ADGRB3: variants seen among roughly 807,000 people sequenced by gnomAD.
ADGRB3 encodes the protein brain-specific angiogenesis inhibitor 3.
Under a neutral mutation model 193.4 loss-of-function variants are expected in ADGRB3, and 37 were observed. That is an observed-to-expected ratio of 0.19 (90% CI 0.15 to 0.25). ADGRB3 has a LOEUF of 0.25. Among genes scored for constraint, ADGRB3 ranks in the 10% least tolerant of loss-of-function variants. The pLI is 1.00. For synonymous variants in ADGRB3, 690 were observed against 644.2 expected, an observed-to-expected ratio of 1.07 and a Z score of -1.08; for missense variants, 1,637 against 1,852.9, an observed-to-expected ratio of 0.88 and a Z score of 2.14.
At chr6:68,817,990 G>T (rs886475685) in intron 3 of ADGRB3, among the ~76,000 whole-genome samples, 3 of 151,902 alleles carry the variant, frequency 2.0e-5, no homozygotes, top group African/African-American at 7.2e-5. Context: ...TGTAAGTTGT[G>T]GTGAAATGGG....
At chr6:69,129,416 G>A (rs1171530970) in intron 17 of ADGRB3, among the ~76,000 whole-genome samples, 1 of 151,996 alleles carries the variant, frequency 6.6e-6, no homozygotes, top group Admixed American at 6.6e-5. Context: ...GAATTAAGAT[G>A]AAGAACAAAA....
chr6:69,224,928 T>G (rs1765977733), intron 17 of ADGRB3, among the ~76,000 whole-genome samples: 1 of 152,140 alleles, frequency 6.6e-6, no homozygotes, highest in African/African-American at 2.4e-5. Flanking sequence ...GAAGATACTT[T>G]CTGTCTTTCC....
At chr6:69,133,969 G>C (rs1380244924) in intron 17 of ADGRB3, among the ~76,000 whole-genome samples, 1 of 151,972 alleles carries the variant, frequency 6.6e-6, no homozygotes, top group Non-Finnish European at 1.5e-5. Context: ...ACTTCATTTA[G>C]AATTATGTTC....
intron 4 of ADGRB3, among the ~76,000 whole-genome samples, chr6:68,936,105 G>A (rs770730856): frequency 5.9e-5 from 9 of 152,136 alleles, no homozygotes; most frequent in Non-Finnish European, 1.3e-4. Flanking sequence ...AAAGGACTAA[G>A]GAGGAACACA....
chr6:68,735,988 A>G (rs986387085), intron 3 of ADGRB3, among the ~76,000 whole-genome samples: 1 of 152,158 alleles, frequency 6.6e-6, no homozygotes. Context: ...TAGCTTACCA[A>G]TCTTTCAGGA....
intron 17 of ADGRB3, among the ~76,000 whole-genome samples, chr6:69,208,264 C>A (rs750199267): frequency 1.8e-4 from 27 of 152,250 alleles, no homozygotes; most frequent in South Asian, 1.2e-3. Flanking sequence ...CTGAGGTCAC[C>A]CGGTGGTGAG....
intron 24 of ADGRB3, among the ~76,000 whole-genome samples, chr6:69,333,782 T>C (rs893002275): frequency 9.3e-5 from 14 of 150,576 alleles, no homozygotes; most frequent in Non-Finnish European, 1.6e-4. Context: ...GCAAAAAAAT[T>C]AGCCGGGCGA....
intron 3 of ADGRB3, among the ~76,000 whole-genome samples, chr6:68,827,774 T>C (rs1232568899): frequency 1.3e-5 from 2 of 152,118 alleles, no homozygotes; most frequent in African/African-American, 4.8e-5. Context: ...TCTTTGTTAG[T>C]GTAGCCCAAA....
intron 20 of ADGRB3, among the ~76,000 whole-genome samples, chr6:69,285,203 T>A (rs959362951): frequency 6.6e-6 from 1 of 152,204 alleles, no homozygotes; most frequent in African/African-American, 2.4e-5. Context: ...AGGAAATAGA[T>A]ACTATACACT....
intron 10 of ADGRB3, among the ~76,000 whole-genome samples, chr6:68,983,836 T>G (rs2150270143): frequency 6.6e-6 from 1 of 152,144 alleles, no homozygotes; most frequent in Non-Finnish European, 1.5e-5. Context: ...TAAAATAAAA[T>G]AAAATAAAAA....
chr6:68,864,849 T>C (rs1318367545), intron 3 of ADGRB3, among the ~76,000 whole-genome samples: 3 of 151,696 alleles, frequency 2.0e-5, no homozygotes, highest in Non-Finnish European at 4.4e-5. Context: ...CTCTAGGTTA[T>C]TAATTTGTAA....
At chr6:68,794,308 T>C (rs992576531) in intron 3 of ADGRB3, among the ~76,000 whole-genome samples, 1 of 151,890 alleles carries the variant, frequency 6.6e-6, no homozygotes, top group African/African-American at 2.4e-5. Flanking sequence ...ATTTTGAATA[T>C]ATATATATAT....
chr6:69,356,083 C>T (rs1769332572), intron 28 of ADGRB3, among the ~76,000 whole-genome samples: 1 of 152,080 alleles, frequency 6.6e-6, no homozygotes, highest in African/African-American at 2.4e-5. Context: ...AACTTACAGA[C>T]AGGAGTGTAG....
At chr6:68,841,975 C>A (rs1768168016) in intron 3 of ADGRB3, among the ~76,000 whole-genome samples, 1 of 151,762 alleles carries the variant, frequency 6.6e-6, no homozygotes, top group African/African-American at 2.4e-5. Context: ...TGTCTATAGT[C>A]AATAATAATT....
At chr6:68,878,591 T>A (rs1208614234) in intron 3 of ADGRB3, among the ~76,000 whole-genome samples, 1 of 152,204 alleles carries the variant, frequency 6.6e-6, no homozygotes, top group Non-Finnish European at 1.5e-5. Flanking sequence ...AAATGGATAA[T>A]CTGTTAATTT....
chr6:69,012,607 G>C (rs1769969262), intron 11 of ADGRB3, among the ~76,000 whole-genome samples: 2 of 152,080 alleles, frequency 1.3e-5, no homozygotes, highest in African/African-American at 4.8e-5. Context: ...GTCTAAAACA[G>C]ACTTGCAGGT....
intron 30 of ADGRB3, 37 bp from the exon 31 acceptor site, chr6:69,382,793 CA>C (rs776472686): frequency 7.1e-7 from 1 of 1,398,762 alleles, no homozygotes; most frequent in South Asian, 1.3e-5. Flanking sequence ...AAACATACAT[CA>C]AGTTGGGGAT....
chr6:68,880,229 A>G (rs181725332), intron 3 of ADGRB3, among the ~76,000 whole-genome samples: 1 of 152,262 alleles, frequency 6.6e-6, no homozygotes, highest in East Asian at 1.9e-4. Flanking sequence ...GGCAAGGGTG[A>G]ATCAGAATTA....
chr6:69,274,986 C>T (rs1024313886), intron 20 of ADGRB3, among the ~76,000 whole-genome samples: 4 of 152,112 alleles, frequency 2.6e-5, no homozygotes, highest in Admixed American at 2.0e-4. Flanking sequence ...AAATATTACC[C>T]ATCCTCTTGG....
Sources: allele counts gnomAD v4.1 joint callset (sites outside exome capture counted in the v4.1 genomes callset), GRCh38; gene constraint gnomAD v4.1.1; transcripts MANE v1.5; gene names NCBI Gene and HGNC (gene_info 2026-07-23, HGNC 2026-07-21).